Variants in UMODL1 observed in about 807,000 individuals in gnomAD.
UMODL1 encodes uromodulin-like 1.
UMODL1 carries 128 observed loss-of-function variants against 136.3 expected under a neutral mutation model. The ratio of observed to expected loss-of-function variants is 0.94; its 90% CI spans 0.81 to 1.09. The LOEUF (loss-of-function observed/expected upper bound fraction) is 1.09. Ranked by LOEUF, UMODL1 falls within the 50% of genes least tolerant of loss-of-function variation. The probability of loss-of-function intolerance (pLI) is 0.00; values close to 1 mark genes in which losing one functional copy is unlikely to be tolerated. For synonymous variants in UMODL1, 721 were observed against 720.0 expected (o/e 1.00, Z -0.02); for missense variants, 1,766 against 1,725.6 (o/e 1.02, Z -0.41).
rs989817754 is a variant in UMODL1 at position 42,109,421 on chromosome 21, T to C, written c.1520-141T>C. ...GGCCGTAAGGTTGTCATGAGAGTGT[T>C]GGACGGATGCCCCAAAATGCCCCTG... is the stretch of plus-strand genomic sequence containing the variant. On this transcript the variant is annotated intron_variant, in intron 9 of 22. Transcript: ENST00000408910. The C allele has an allele frequency of 1.4e-5, 16 of 1,128,442 alleles. No homozygotes were observed. The African/African-American group carries it at 2.4e-4, about 17-fold the overall frequency. The allele number at this position is 1,128,442 out of a possible 1,614,324, so 69.9% of individuals were successfully genotyped here.
intron 14 of UMODL1, among the ~76,000 whole-genome samples, chr21:42,116,811 C>T (rs1378768458): frequency 1.3e-5 from 2 of 152,194 alleles, no homozygotes; most frequent in Non-Finnish European, 2.9e-5. Flanking sequence ...CATGGTGGCT[C>T]ATGTCTATAA....
chr21:42,126,523 C>A (rs2067057834), intron 18 of UMODL1, 33 bp downstream of exon 18: 1 of 1,613,808 alleles, frequency 6.2e-7, no homozygotes, highest in African/African-American at 1.3e-5. Context: ...GCCCCACAGC[C>A]ACGTGCCTCC....
chr21:42,109,285 ATAAAG>A (rs1413814426), intron 9 of UMODL1, among the ~76,000 whole-genome samples: 1 of 152,216 alleles, frequency 6.6e-6, no homozygotes, highest in Non-Finnish European at 1.5e-5. Flanking sequence ...TGGAAACAGA[ATAAAG>A]AAGAGAGGGC....
At chr21:42,141,230 TG>T (rs2067276938) in intron 22 of UMODL1, among the ~76,000 whole-genome samples, 1 of 152,232 alleles carries the variant, frequency 6.6e-6, no homozygotes, top group African/African-American at 2.4e-5. Flanking sequence ...ACCTCCATGC[TG>T]CCCTTGCTGG....
intron 9 of UMODL1, chr21:42,108,534 T>C (rs2066757047): frequency 5.2e-6 from 2 of 384,398 alleles, no homozygotes; most frequent in Non-Finnish European, 1.1e-5. Flanking sequence ...TGCCCAGAAC[T>C]GAACTGGTCC....
At chr21:42,120,935 T>A in intron 15 of UMODL1, 152 bp from the exon 16 acceptor site, 1 of 961,490 alleles carries the variant, frequency 1.0e-6, no homozygotes, top group Non-Finnish European at 1.5e-6. Flanking sequence ...GGAAGCCTCC[T>A]GTACTTTCCA....
intron 9 of UMODL1, among the ~76,000 whole-genome samples, chr21:42,107,939 C>A (rs1435677665): frequency 6.6e-6 from 1 of 152,232 alleles, no homozygotes; most frequent in African/African-American, 2.4e-5. Flanking sequence ...CAGCGTCCTG[C>A]CCTGGGCTCT....
chr21:42,099,721 C>G lies in UMODL1; in HGVS notation c.1186+541C>G, dbSNP rs1373010038. ...TTTGAGACAGGGTCTCGCTCTGTCA[C>G]CCAGGCTGGAGTGTAGTGGTATGAT... On this transcript the variant is annotated intron_variant, in intron 7 of 22. Coordinates refer to ENST00000408910, the MANE Select transcript of UMODL1 (RefSeq NM_001004416.3). This position sits in a 1 kb window ranked among gnomAD's most constrained non-coding sequence, Gnocchi z 4.1. Among the ~76,000 whole-genome samples, 1 of 152,180 alleles carries G rather than the reference C, an allele frequency of 6.6e-6. No individual in the cohort carries two copies. The highest frequency in any genetic ancestry group is 2.4e-5 in the African/African-American group (1 of 41,440).
intron 8 of UMODL1, chr21:42,102,969 C>A (rs933448696): frequency 2.6e-5 from 4 of 154,390 alleles, no homozygotes; most frequent in African/African-American, 9.6e-5. Context: ...CAGAGGGGAC[C>A]AGGGGCATGA....
chr21:42,068,156 C>T (rs554548493), upstream of UMODL1, among the ~76,000 whole-genome samples: 1 of 152,240 alleles, frequency 6.6e-6, no homozygotes, highest in Non-Finnish European at 1.5e-5. The surrounding 1 kb of genome is among the most constrained non-coding windows in gnomAD (Gnocchi z 5.5). Context: ...GATTCCATAT[C>T]GTGAGGAATT....
chr21:42,084,707 G>A (rs1261646979), intron 3 of UMODL1, among the ~76,000 whole-genome samples: 1 of 151,176 alleles, frequency 6.6e-6, no homozygotes, highest in Non-Finnish European at 1.5e-5. Context: ...TGGGAGAATG[G>A]GATGGCCTAT....
intron 20 of UMODL1, chr21:42,128,097 C>T (rs980285832): frequency 3.5e-6 from 2 of 573,828 alleles, no homozygotes; most frequent in Non-Finnish European, 6.6e-6. Flanking sequence ...TAATATTCAA[C>T]CGGCTGTCGC....
chr21:42,079,750 G>A (rs572069832), intron 2 of UMODL1, among the ~76,000 whole-genome samples: 32 of 152,228 alleles, frequency 2.1e-4, no homozygotes, highest in Non-Finnish European at 3.7e-4. Context: ...GGAGGCCCGC[G>A]CCTCCACCAC....
intron 20 of UMODL1, chr21:42,128,239 T>C (rs1405483246): frequency 3.3e-6 from 1 of 300,446 alleles, no homozygotes; most frequent in East Asian, 9.6e-5. Context: ...TTTAATAAAG[T>C]TTTTTCCCCT....
intron 9 of UMODL1, among the ~76,000 whole-genome samples, chr21:42,105,927 T>C (rs2066709660): frequency 1.3e-5 from 2 of 152,184 alleles, no homozygotes; most frequent in Admixed American, 1.3e-4. Context: ...AGCACCCCAC[T>C]CCCCACGCTG....
chr21:42,104,964 G>A (rs1347615233), intron 9 of UMODL1, among the ~76,000 whole-genome samples: 1 of 152,218 alleles, frequency 6.6e-6, no homozygotes, highest in Non-Finnish European at 1.5e-5. Flanking sequence ...ACAAGCTCCA[G>A]TTTTGGGCTC....
chr21:42,119,146 C>T lies in UMODL1; in HGVS notation c.2511C>T (p.His837=), dbSNP rs768047706. The change falls in exon 15 of 23, where the codon CAC becomes CAT. Residue 837 remains histidine, a synonymous_variant. Coordinates refer to ENST00000408910, the MANE Select transcript of UMODL1 (RefSeq NM_001004416.3). ...CCCTGCCAGCCACCATGTGTCAGCA[C>T]ATGGACGCTGGTGGGGTCAGGATGG... ...RGSLPATMCQ[H]MDAGGVRMEV... is the part of the protein sequence containing the mutation. 6.2e-7 allele frequency: 1 copy of T among 1,613,766 alleles called. No homozygotes were observed. The highest frequency in any genetic ancestry group is 1.7e-5 in the Admixed American group (1 of 60,032).
At chr21:42,109,203 G>A (rs1289151500) in intron 9 of UMODL1, among the ~76,000 whole-genome samples, 1 of 151,368 alleles carries the variant, frequency 6.6e-6, no homozygotes, top group Admixed American at 6.6e-5. Context: ...CCTATTTCTT[G>A]GTTGAGACAC....
chr21:42,128,662 G>T (rs1350782898), intron 20 of UMODL1, among the ~76,000 whole-genome samples: 1 of 152,248 alleles, frequency 6.6e-6, no homozygotes, highest in South Asian at 2.1e-4. Flanking sequence ...AGCAGGCTGA[G>T]GGCCACACAC....
Sources: allele counts gnomAD v4.1 joint callset (sites outside exome capture counted in the v4.1 genomes callset), GRCh38; gene constraint gnomAD v4.1.1; non-coding constraint Gnocchi (gnomAD v3.1); transcripts MANE v1.5; gene names NCBI Gene and HGNC (gene_info 2026-07-23, HGNC 2026-07-21).